The following CDH23 variants were observed in gnomAD, a reference collection of about 807,000 sequenced individuals.
CDH23 encodes the protein cadherin related 23.
In CDH23, 189 loss-of-function variants were observed where a neutral mutation model predicts 317.1. That is an observed-to-expected ratio of 0.60 (90% CI 0.53 to 0.67). The LOEUF (loss-of-function observed/expected upper bound fraction) is 0.67. CDH23 is among the 30% of genes least tolerant of loss of function. The pLI, the probability that CDH23 is intolerant of heterozygous loss-of-function variation, is 0.00. For synonymous variants in CDH23, 1,839 were observed against 1,876.8 expected (o/e 0.98, Z 0.52); for missense variants, 4,401 against 4,592.4 (o/e 0.96, Z 1.20).
intron 1 of CDH23, among the ~76,000 whole-genome samples, chr10:71,413,332 T>C (rs542107225): frequency 3.3e-5 from 5 of 152,238 alleles, no homozygotes; most frequent in Non-Finnish European, 5.9e-5. Context: ...GTTCCATTTG[T>C]CTGTAAGTCT....
intron 6 of CDH23, among the ~76,000 whole-genome samples, chr10:71,556,349 C>G (rs1856875608): frequency 6.6e-6 from 1 of 151,948 alleles, no homozygotes; most frequent in Non-Finnish European, 1.5e-5. Flanking sequence ...GCCTGTAATC[C>G]CAGCACTTTG....
chr10:71,744,346 G>A (rs1006057759), intron 38 of CDH23, among the ~76,000 whole-genome samples: 10 of 152,178 alleles, frequency 6.6e-5, no homozygotes, highest in Admixed American at 2.0e-4. Flanking sequence ...GGAGACCATC[G>A]GTGGAATCCA....
intron 1 of CDH23, among the ~76,000 whole-genome samples, chr10:71,401,241 C>A (rs968520040): frequency 3.3e-5 from 5 of 152,154 alleles, no homozygotes; most frequent in Non-Finnish European, 7.4e-5. Context: ...GGTGGGGTGG[C>A]TGGTGCGGGT....
chr10:71,738,928 C>A (rs371372938), intron 35 of CDH23, among the ~76,000 whole-genome samples: 2 of 152,388 alleles, frequency 1.3e-5, no homozygotes, highest in East Asian at 1.9e-4. Context: ...CCTTCCCACG[C>A]AGCCCCAGCT....
At chr10:71,761,660 T>C in intron 38 of CDH23, 1 of 1,613,198 alleles carries the variant, frequency 6.2e-7, no homozygotes, top group Non-Finnish European at 8.5e-7. Flanking sequence ...GTGCCTGATC[T>C]CCACCACCAG....
chr10:71,515,527 A>ATT (rs200757723), intron 6 of CDH23, among the ~76,000 whole-genome samples: 10 of 147,158 alleles, frequency 6.8e-5, no homozygotes, highest in African/African-American at 2.5e-4. Flanking sequence ...GATCTGCCCA[A>ATT]TTTTTTTTTT....
At chr10:71,774,271 G>A (rs1840766718) in intron 38 of CDH23, among the ~76,000 whole-genome samples, 1 of 148,652 alleles carries the variant, frequency 6.7e-6, no homozygotes, top group Non-Finnish European at 1.5e-5. Flanking sequence ...GATATCTGCA[G>A]GACACTCTGA....
intron 11 of CDH23, among the ~76,000 whole-genome samples, chr10:71,618,735 C>G (rs1312681179): frequency 3.9e-5 from 6 of 152,162 alleles, no homozygotes; most frequent in Non-Finnish European, 8.8e-5. Flanking sequence ...CTCTTGCCCC[C>G]CTCTGGCAGC....
intron 29 of CDH23, among the ~76,000 whole-genome samples, chr10:71,724,750 A>G (rs1032257018): frequency 8.5e-5 from 13 of 152,250 alleles, no homozygotes; most frequent in African/African-American, 3.1e-4. Flanking sequence ...ATCAGAATCC[A>G]GTGCCCATCC....
chr10:71,755,895 C>T (rs1197263960), intron 38 of CDH23, among the ~76,000 whole-genome samples: 1 of 152,148 alleles, frequency 6.6e-6, no homozygotes, highest in African/African-American at 2.4e-5. Flanking sequence ...ACAGTGGTGA[C>T]GGTTGCACAT....
intron 6 of CDH23, among the ~76,000 whole-genome samples, chr10:71,534,834 C>T (rs1438372415): frequency 6.8e-6 from 1 of 147,970 alleles, no homozygotes. Flanking sequence ...AGAAGCAAGG[C>T]TTGTGGGGAT....
intron 3 of CDH23, among the ~76,000 whole-genome samples, chr10:71,498,964 A>G (rs914279060): frequency 1.3e-5 from 2 of 152,214 alleles, no homozygotes; most frequent in African/African-American, 2.4e-5. Flanking sequence ...TCCCATGCTT[A>G]TTGCGGCACT....
At chr10:71,565,978 C>T (rs1427431542) in intron 6 of CDH23, among the ~76,000 whole-genome samples, 2 of 152,154 alleles carry the variant, frequency 1.3e-5, no homozygotes, top group Non-Finnish European at 2.9e-5. Context: ...CACATTCAGA[C>T]AGCCAGAGGT....
intron 14 of CDH23, among the ~76,000 whole-genome samples, chr10:71,674,104 C>A (rs1004852262): frequency 2.6e-5 from 4 of 152,220 alleles, no homozygotes; most frequent in African/African-American, 9.7e-5. Flanking sequence ...GAAATGGCAT[C>A]TTTCTGTATA....
intron 11 of CDH23, among the ~76,000 whole-genome samples, chr10:71,622,483 C>T (rs77062140): frequency 1.3e-5 from 2 of 152,098 alleles, no homozygotes; most frequent in African/African-American, 4.8e-5. Context: ...GTGTGGCATC[C>T]CCCTCCGAAG....
intron 3 of CDH23, among the ~76,000 whole-genome samples, chr10:71,496,242 G>T (rs1589136044): frequency 6.6e-6 from 1 of 152,206 alleles, no homozygotes; most frequent in Non-Finnish European, 1.5e-5. Flanking sequence ...ATGAAATCAG[G>T]TTGAGATGCA....
At chr10:71,617,037 A>G (rs1351207531) in intron 10 of CDH23, among the ~76,000 whole-genome samples, 168 bp from the exon 11 acceptor site, 1 of 152,170 alleles carries the variant, frequency 6.6e-6, no homozygotes, top group Non-Finnish European at 1.5e-5. Flanking sequence ...CCTTATCACT[A>G]AAATGGGGAT....
At chr10:71,574,956 C>T (rs926727062) in intron 8 of CDH23, among the ~76,000 whole-genome samples, 1 of 152,026 alleles carries the variant, frequency 6.6e-6, no homozygotes, top group Non-Finnish European at 1.5e-5. Flanking sequence ...CTCCACCCCA[C>T]CCCCCACTGC....
chr10:71,462,055 G>A (rs1851018828), intron 3 of CDH23, among the ~76,000 whole-genome samples: 2 of 152,226 alleles, frequency 1.3e-5, no homozygotes, highest in African/African-American at 4.8e-5. Context: ...TGGGCTTGGG[G>A]ACCCACCTGG....
Sources: gnomAD v4.1 joint callset for allele counts (sites outside exome capture counted in the v4.1 genomes callset) on GRCh38, gnomAD v4.1.1 for gene constraint, MANE v1.5 for transcripts, NCBI Gene and HGNC (gene_info 2026-07-23, HGNC 2026-07-21) for gene names.